The following KALRN variants were observed in gnomAD, a reference collection of about 807,000 sequenced individuals.
KALRN encodes the protein kalirin RhoGEF kinase.
Under a neutral mutation model 353.7 loss-of-function variants are expected in KALRN, and 70 were observed. The observed-to-expected ratio is 0.20, with a 90% CI of 0.16 to 0.24. KALRN has a LOEUF of 0.24. Ranked by LOEUF, KALRN falls within the 10% of genes least tolerant of loss-of-function variation. KALRN has a pLI of 1.00. For synonymous variants in KALRN, 1,391 were observed against 1,434.8 expected (o/e 0.97, Z 0.69); for missense variants, 2,791 against 3,756.7 (o/e 0.74, Z 6.72).
chr3:124,583,323 A>G (rs4678141), intron 34 of KALRN, among the ~76,000 whole-genome samples: 37,854 of 151,492 alleles, frequency 0.25, 4,877 homozygotes, highest in East Asian at 0.33. Flanking sequence ...CTAAAGCTGG[A>G]CACAAAGGAA....
At chr3:124,429,866 G>C (rs2093193121) in intron 15 of KALRN, among the ~76,000 whole-genome samples, 2 of 152,088 alleles carry the variant, frequency 1.3e-5, no homozygotes, top group South Asian at 4.1e-4. Context: ...CTTCTATTTT[G>C]CTTGTTTTCT....
chr3:124,064,187 A>G (rs571231041), intron 1 of KALRN, among the ~76,000 whole-genome samples: 58 of 152,318 alleles, frequency 3.8e-4, no homozygotes, highest in African/African-American at 1.3e-3. Context: ...CTTATCCTAC[A>G]GATCCTGCAG....
Position 124,234,949 on chromosome 3 carries a change from G to A in KALRN, c.263+6G>A. 1.3e-6 allele frequency: 2 copies of A among 1,587,252 alleles called. No individual in the cohort carries two copies. The highest frequency in any genetic ancestry group is 1.1e-5 in the South Asian group (1 of 87,474). Reference sequence around the variant, plus strand: ...TATTTGGCCAGCGTGCCAAGGTAAGGGGAAGGGGAATGGCCTGCAGGGGAG... The same window carrying A: ...TATTTGGCCAGCGTGCCAAGGTAAGAGGAAGGGGAATGGCCTGCAGGGGAG... On this transcript the variant is annotated splice_donor_region_variant and intron_variant, in intron 3 of 59. Coordinates refer to ENST00000682506, the MANE Select transcript of KALRN (RefSeq NM_001388419.1).
intron 17 of KALRN, 47 bp downstream of exon 17, chr3:124,434,572 G>A: frequency 1.3e-6 from 2 of 1,565,382 alleles, no homozygotes; most frequent in East Asian, 2.2e-5. Context: ...TTGCCAGGGG[G>A]CCATTTTCTG....
At chr3:124,571,096 T>A (rs2073466001) in intron 34 of KALRN, among the ~76,000 whole-genome samples, 1 of 152,180 alleles carries the variant, frequency 6.6e-6, no homozygotes, top group Non-Finnish European at 1.5e-5. Context: ...CGAGTGTAAA[T>A]CCACCAGTGC....
At chr3:124,657,174 G>A (rs184154572) in intron 39 of KALRN, among the ~76,000 whole-genome samples, 6 of 152,312 alleles carry the variant, frequency 3.9e-5, no homozygotes, top group Admixed American at 3.9e-4. Context: ...ATTTGGATTG[G>A]GAGAAGGAAG....
intron 1 of KALRN, among the ~76,000 whole-genome samples, chr3:124,220,932 G>T (rs537453515): frequency 6.6e-6 from 1 of 152,316 alleles, no homozygotes; most frequent in Non-Finnish European, 1.5e-5. Context: ...AGCCTGCTGG[G>T]CCAAGCCCTG....
chr3:124,518,955 C>T, intron 33 of KALRN: 2 of 990,698 alleles, frequency 2.0e-6, no homozygotes, highest in Non-Finnish European at 1.2e-6. Context: ...ATCCCCACAT[C>T]ATGAGAAAGA....
intron 50 of KALRN, among the ~76,000 whole-genome samples, chr3:124,678,941 A>T (rs1295955429): frequency 6.6e-6 from 1 of 151,666 alleles, no homozygotes; most frequent in Non-Finnish European, 1.5e-5. Flanking sequence ...AAACAATGTC[A>T]TCTGCTTTCT....
rs1372324571 is a variant in KALRN, at chr3:124,334,825, C to T, written c.1647+330C>T. Reference sequence around the variant, plus strand: ...GTTTTGTTTTTTGGAAACAGAGTCTCGCTCTGCCGCCTGGGCTGGAGTATA... The same window carrying T: ...GTTTTGTTTTTTGGAAACAGAGTCTTGCTCTGCCGCCTGGGCTGGAGTATA... On this transcript the variant is annotated intron_variant, in intron 9 of 59. Coordinates refer to ENST00000682506, the MANE Select transcript of KALRN (RefSeq NM_001388419.1). The surrounding 1 kb of genome is among the most constrained non-coding windows in gnomAD (Gnocchi z 4.2). 6.6e-6 allele frequency among the ~76,000 whole-genome samples: 1 copy of T among 152,172 alleles called. No individual in the cohort carries two copies. The highest frequency in any genetic ancestry group is 1.5e-5 in the Non-Finnish European group (1 of 68,038).
chr3:124,472,832 G>A (rs2107972726), intron 25 of KALRN, among the ~76,000 whole-genome samples: 1 of 152,148 alleles, frequency 6.6e-6, no homozygotes. Context: ...TATTGACTTT[G>A]AGCACTACAT....
chr3:124,152,377 C>T (rs1324188975), intron 1 of KALRN: 22 of 1,210,670 alleles, frequency 1.8e-5, no homozygotes, highest in South Asian at 7.3e-5. Flanking sequence ...CAACACCTTT[C>T]GGACCTTTGG....
chr3:124,106,671 G>A (rs1171544435), intron 1 of KALRN, among the ~76,000 whole-genome samples: 1 of 152,080 alleles, frequency 6.6e-6, no homozygotes, highest in East Asian at 1.9e-4. Context: ...AGATGAAGTT[G>A]GAAGAGATAA....
chr3:124,408,717 A>G lies in KALRN; in HGVS notation c.2347-4753A>G, dbSNP rs549791656. Among the ~76,000 whole-genome samples, 400 of 124,190 alleles carry G rather than the reference A, an allele frequency of 3.2e-3. 2 individuals carry two copies. Among genetic ancestry groups the G allele is most frequent in the African/African-American group, 8.8e-3 (325 of 36,974 alleles). The allele number at this position is 124,190 out of a possible 152,430, so 81.5% of individuals were successfully genotyped here. On this transcript the variant is annotated intron_variant, in intron 13 of 59. Coordinates refer to ENST00000682506, the MANE Select transcript of KALRN (RefSeq NM_001388419.1). The stretch of plus-strand genomic sequence containing the variant: ...AGTGGGTAGACCATAGGAAGTGGGG[A>G]AAAAAAAAAGGGAGGGGCAGGTGAA...
At chr3:124,338,810 G>A (rs1560607195) in intron 9 of KALRN, among the ~76,000 whole-genome samples, 2 of 152,008 alleles carry the variant, frequency 1.3e-5, no homozygotes, top group Non-Finnish European at 2.9e-5. Context: ...ATGAATCTGG[G>A]TGCTCCTGTA....
At chr3:124,587,887 G>C (rs536410762) in intron 34 of KALRN, among the ~76,000 whole-genome samples, 1 of 136,404 alleles carries the variant, frequency 7.3e-6, no homozygotes, top group Non-Finnish European at 1.7e-5. Flanking sequence ...TAGAGACAAG[G>C]TCTCACTATG....
chr3:124,370,203 C>G (rs761547067), intron 10 of KALRN, among the ~76,000 whole-genome samples: 1 of 151,830 alleles, frequency 6.6e-6, no homozygotes, highest in Non-Finnish European at 1.5e-5. Context: ...GTTCTTAACT[C>G]AAGAAAAATG....
At chr3:124,209,076 T>A (rs1205056390) in intron 1 of KALRN, among the ~76,000 whole-genome samples, 1 of 152,128 alleles carries the variant, frequency 6.6e-6, no homozygotes, top group Non-Finnish European at 1.5e-5. Context: ...CTATAATAGC[T>A]GCAATTGATT....
chr3:124,601,418 C>A (rs2076795967), intron 34 of KALRN, among the ~76,000 whole-genome samples: 1 of 152,190 alleles, frequency 6.6e-6, no homozygotes, highest in Admixed American at 6.5e-5. Context: ...AGACTTGTAA[C>A]CTAGGTCTCA....
Sources: allele counts gnomAD v4.1 joint callset (sites outside exome capture counted in the v4.1 genomes callset), GRCh38; gene constraint gnomAD v4.1.1; non-coding constraint Gnocchi (gnomAD v3.1); transcripts MANE v1.5; gene names NCBI Gene and HGNC (gene_info 2026-07-23, HGNC 2026-07-21).